The following HORMAD2 variants were observed in gnomAD, a reference collection of about 807,000 sequenced individuals.
HORMAD2 encodes HORMA domain containing 2.
HORMAD2 carries 45 observed loss-of-function variants against 38.8 expected under a neutral mutation model. The observed-to-expected ratio is 1.16, with a 90% CI of 0.91 to 1.49. The LOEUF is 1.49. Among genes scored for constraint, HORMAD2 ranks in the 40% most tolerant of loss-of-function variants. HORMAD2 has a pLI of 0.00. For synonymous variants in HORMAD2, 126 were observed against 122.8 expected (o/e 1.03, Z -0.17); for missense variants, 338 against 367.0 (o/e 0.92, Z 0.65).
rs189247697 is a variant in HORMAD2, at chr22:30,155,894, C to T, written c.820-20169C>T. Among the ~76,000 whole-genome samples, 3 of 152,312 alleles carry T rather than the reference C, an allele frequency of 2.0e-5. No homozygotes were observed. In the East Asian group the frequency reaches 5.8e-4, roughly 29 times the overall value. On this transcript the variant is annotated intron_variant, in intron 10 of 10. Coordinates refer to ENST00000336726, the MANE Select transcript of HORMAD2 (RefSeq NM_152510.4). Reference sequence around the variant, plus strand: ...CCATCTTTGCCACCTTCCTTGTACACATATAGACACCCATATCACACCTCT... The same window carrying T: ...CCATCTTTGCCACCTTCCTTGTACATATATAGACACCCATATCACACCTCT...
chr22:30,103,513 A>G lies in HORMAD2; in HGVS notation c.257+13A>G. 2.9e-6 allele frequency: 4 copies of G among 1,370,520 alleles called. No individual in the cohort carries two copies. Among genetic ancestry groups the G allele is most frequent in the Non-Finnish European group, 4.1e-6 (4 of 984,334 alleles). The allele number at this position is 1,370,520 out of a possible 1,614,324, so 84.9% of individuals were successfully genotyped here. On this transcript the variant is annotated intron_variant, in intron 4 of 10. Coordinates refer to ENST00000336726, the MANE Select transcript of HORMAD2 (RefSeq NM_152510.4). ...ATATTATCAGATGGTAAGTAATAGA[A>G]ATTCTATAAAAGTTGAACAACATTA...
At chr22:30,196,053 G>A in the HORMAD2 span, among the ~76,000 whole-genome samples, 2 of 152,180 alleles carry the variant, frequency 1.3e-5, no homozygotes, top group African/African-American at 4.8e-5. Flanking sequence ...CTCACCGAAT[G>A]TCAAATATTG....
chr22:30,141,004 A>AT (rs1924030831), intron 10 of HORMAD2, among the ~76,000 whole-genome samples: 1 of 151,536 alleles, frequency 6.6e-6, no homozygotes, highest in South Asian at 2.1e-4. Context: ...TTTCCCCTTT[A>AT]TTTTTTTGAC....
chr22:30,150,520 C>G (rs2146198168), intron 10 of HORMAD2, among the ~76,000 whole-genome samples: 1 of 152,250 alleles, frequency 6.6e-6, no homozygotes, highest in African/African-American at 2.4e-5. Context: ...ACCTCTCTCT[C>G]CTTAGAAGTC....
At chr22:30,163,012 AT>A (rs1890505150) in intron 10 of HORMAD2, among the ~76,000 whole-genome samples, 1 of 152,080 alleles carries the variant, frequency 6.6e-6, no homozygotes, top group African/African-American at 2.4e-5. Flanking sequence ...ATTTGTGGAC[AT>A]CTTAAAATCA....
intron 2 of HORMAD2, among the ~76,000 whole-genome samples, chr22:30,095,601 A>G (rs545942842): frequency 6.6e-6 from 1 of 152,312 alleles, no homozygotes; most frequent in South Asian, 2.1e-4. Context: ...TGTAAGCCAC[A>G]CGAGGGAGAG....
intron 1 of HORMAD2, among the ~76,000 whole-genome samples, chr22:30,082,449 A>T (rs2068498325): frequency 6.6e-6 from 1 of 152,146 alleles, no homozygotes; most frequent in African/African-American, 2.4e-5. Context: ...TCTTGGACTC[A>T]CACATAGTAG....
the HORMAD2 span, among the ~76,000 whole-genome samples, chr22:30,186,911 TG>T: frequency 3.7e-5 from 5 of 136,580 alleles, no homozygotes; most frequent in Admixed American, 7.3e-5. Context: ...GGGTTGGGGG[TG>T]GGGGGGTCAT....
intron 10 of HORMAD2, among the ~76,000 whole-genome samples, chr22:30,159,520 A>G (rs1925314174): frequency 6.6e-6 from 1 of 152,224 alleles, no homozygotes; most frequent in Admixed American, 6.5e-5. Context: ...GCCAAAAGGG[A>G]TACCCTGTAT....
At chr22:30,120,184 A>G (rs1312919819) in intron 8 of HORMAD2, among the ~76,000 whole-genome samples, 1 of 152,228 alleles carries the variant, frequency 6.6e-6, no homozygotes, top group Non-Finnish European at 1.5e-5. Context: ...GATGCATATT[A>G]TTAATTTCCT....
intron 5 of HORMAD2, among the ~76,000 whole-genome samples, chr22:30,110,526 C>T (rs919502076): frequency 6.6e-6 from 1 of 151,662 alleles, no homozygotes; most frequent in Non-Finnish European, 1.5e-5. Flanking sequence ...GCTGGGATTA[C>T]AGGCACAAGC....
intron 10 of HORMAD2, among the ~76,000 whole-genome samples, chr22:30,152,903 T>C (rs1287134765): frequency 6.6e-6 from 1 of 152,208 alleles, no homozygotes; most frequent in Admixed American, 6.5e-5. Context: ...GACTTCCATA[T>C]GTGTTATCTT....
At chr22:30,152,510 T>C (rs1293724408) in intron 10 of HORMAD2, among the ~76,000 whole-genome samples, 1 of 151,904 alleles carries the variant, frequency 6.6e-6, no homozygotes, top group African/African-American at 2.4e-5. Context: ...TTAAAAATTT[T>C]TGTAGAGACT....
chr22:30,122,616 A>T (rs1048634893), intron 10 of HORMAD2, among the ~76,000 whole-genome samples: 1 of 152,142 alleles, frequency 6.6e-6, no homozygotes, highest in Non-Finnish European at 1.5e-5. Flanking sequence ...GGGGAAGATA[A>T]ATTTTATGGA....
At chr22:30,105,143 T>G (rs1025623413) in intron 5 of HORMAD2, 6 of 166,252 alleles carry the variant, frequency 3.6e-5, no homozygotes, top group Non-Finnish European at 6.7e-5. Context: ...ATTGCGCAGC[T>G]CCTCCTACTT....
intron 4 of HORMAD2, 148 bp downstream of exon 4, chr22:30,103,648 GATTT>G (rs1920983416): frequency 1.5e-4 from 11 of 73,692 alleles, no homozygotes; most frequent in Admixed American, 2.1e-4. Flanking sequence ...TTCTGTTTTT[GATTT>G]TTTTTTTTTT....
At chr22:30,096,356 G>A (rs2068781823) in intron 2 of HORMAD2, among the ~76,000 whole-genome samples, 1 of 152,104 alleles carries the variant, frequency 6.6e-6, no homozygotes, top group Non-Finnish European at 1.5e-5. Context: ...ATACTGCCAA[G>A]CACTTTTCCA....
chr22:30,116,054 A>T (rs1922021424), intron 7 of HORMAD2, among the ~76,000 whole-genome samples: 1 of 152,218 alleles, frequency 6.6e-6, no homozygotes, highest in African/African-American at 2.4e-5. Flanking sequence ...CTACACAAGG[A>T]GATGAACTTG....
intron 10 of HORMAD2, among the ~76,000 whole-genome samples, chr22:30,133,026 G>A (rs1490554499): frequency 6.6e-6 from 1 of 152,128 alleles, no homozygotes; most frequent in African/African-American, 2.4e-5. Flanking sequence ...TTAAAAAAGA[G>A]ATGCCTCTAA....
Sources: allele counts gnomAD v4.1 joint callset (sites outside exome capture counted in the v4.1 genomes callset), GRCh38; gene constraint gnomAD v4.1.1; transcripts MANE v1.5; gene names NCBI Gene and HGNC (gene_info 2026-07-23, HGNC 2026-07-21).